SNTG1: variants seen among roughly 807,000 people sequenced by gnomAD.
The protein encoded by SNTG1 is gamma-1-syntrophin.
In SNTG1, 39 loss-of-function variants were observed where a neutral mutation model predicts 74.7. The ratio of observed to expected loss-of-function variants is 0.52; its 90% CI spans 0.40 to 0.68. The LOEUF (loss-of-function observed/expected upper bound fraction) is 0.68. SNTG1 is among the 30% of genes least tolerant of loss of function. The pLI, the probability that SNTG1 is intolerant of heterozygous loss-of-function variation, is 0.00. For synonymous variants in SNTG1, 254 were observed against 217.1 expected (o/e 1.17, Z -1.49); for missense variants, 685 against 609.5 (o/e 1.12, Z -1.30).
intron 4 of SNTG1, among the ~76,000 whole-genome samples, chr8:50,434,861 C>G (rs912553713): frequency 6.6e-6 from 1 of 152,064 alleles, no homozygotes; most frequent in Admixed American, 6.6e-5. Flanking sequence ...GTATTGGTTT[C>G]TGTAACACAA....
At chr8:50,209,662 G>A (rs1466797791) in intron 2 of SNTG1, among the ~76,000 whole-genome samples, 2 of 152,216 alleles carry the variant, frequency 1.3e-5, no homozygotes, top group African/African-American at 4.8e-5. Context: ...TGAGGGTCCT[G>A]ACTGTTAGAA....
intron 1 of SNTG1, among the ~76,000 whole-genome samples, chr8:50,161,959 C>A (rs1210608109): frequency 6.6e-6 from 1 of 151,868 alleles, no homozygotes; most frequent in Non-Finnish European, 1.5e-5. Flanking sequence ...GCCGAAACTG[C>A]TTTTAGAAGA....
At chr8:50,736,990 A>G (rs921061641) in intron 17 of SNTG1, among the ~76,000 whole-genome samples, 4 of 152,114 alleles carry the variant, frequency 2.6e-5, no homozygotes, top group African/African-American at 9.7e-5. Flanking sequence ...CCCTATCAGC[A>G]CAATTAAAAG....
chr8:50,616,374 G>A (rs1022553655), intron 13 of SNTG1, among the ~76,000 whole-genome samples: 2 of 152,162 alleles, frequency 1.3e-5, no homozygotes, highest in African/African-American at 4.8e-5. Context: ...TATGGGTCAG[G>A]GTCATAGACT....
chr8:50,205,547 C>G (rs565290460), intron 2 of SNTG1, among the ~76,000 whole-genome samples: 2 of 152,138 alleles, frequency 1.3e-5, no homozygotes, highest in Non-Finnish European at 2.9e-5. Flanking sequence ...ATGGTAGTTT[C>G]TTTTGCTGTG....
Position 49,918,360 on chromosome 8 carries a change from C to T in SNTG1, c.-103+6129C>T, listed in dbSNP as rs148625298. Reference sequence around the variant, plus strand: ...ATCTTTTCCAGCTACTGTTTTTGCCCCTCATACACATGCAACAGCTACAAT... The same window carrying T: ...ATCTTTTCCAGCTACTGTTTTTGCCTCTCATACACATGCAACAGCTACAAT... On this transcript the variant is annotated intron_variant, in intron 1 of 18. Transcript: ENST00000642720. Among the ~76,000 whole-genome samples the T allele has an allele frequency of 9.0e-3, 1,368 of 152,086 alleles. 21 individuals are homozygous for T. Among genetic ancestry groups the T allele is most frequent in the African/African-American group, 0.031 (1,276 of 41,484 alleles).
chr8:50,604,056 G>A (rs918710198), intron 13 of SNTG1, among the ~76,000 whole-genome samples: 1 of 152,158 alleles, frequency 6.6e-6, no homozygotes, highest in Non-Finnish European at 1.5e-5. Context: ...GTACTTCAGG[G>A]CAGTGAGTAC....
At chr8:50,004,312 A>C (rs1336488660) in intron 1 of SNTG1, among the ~76,000 whole-genome samples, 2 of 152,174 alleles carry the variant, frequency 1.3e-5, no homozygotes, top group African/African-American at 4.8e-5. Context: ...GAGTTTTAAA[A>C]TATGTTTATT....
In SNTG1 at chr8:50,541,105, A is replaced by G. The variant is rs972640386; in HGVS notation, c.680+4297A>G. On this transcript the variant is annotated intron_variant, in intron 11 of 18. Transcript: ENST00000642720. ...TAATTAAACCTTTTATTTTGAAAAA[A>G]TTGAATATTCACGTGCACTTGTGGG... Among the ~76,000 whole-genome samples the G allele has an allele frequency of 3.9e-5, 6 of 152,164 alleles. No homozygotes were observed. In the South Asian group the frequency reaches 1.2e-3, roughly 32 times the overall value.
At chr8:50,409,337 C>T (rs903762867) in intron 4 of SNTG1, among the ~76,000 whole-genome samples, 3 of 152,138 alleles carry the variant, frequency 2.0e-5, no homozygotes, top group South Asian at 2.1e-4. Flanking sequence ...ATACTGCTTT[C>T]CCCCAGTGCC....
intron 1 of SNTG1, among the ~76,000 whole-genome samples, chr8:50,158,798 T>C (rs2082327515): frequency 6.6e-6 from 1 of 152,200 alleles, no homozygotes; most frequent in Non-Finnish European, 1.5e-5. Flanking sequence ...TAGGCCTTGA[T>C]GCACATGTGT....
intron 8 of SNTG1, among the ~76,000 whole-genome samples, chr8:50,467,466 T>C (rs981187795): frequency 7.2e-5 from 11 of 151,964 alleles, no homozygotes; most frequent in African/African-American, 2.7e-4. Context: ...TTGGTATCCA[T>C]GGGATCAATA....
chr8:50,785,219 A>G (rs1320888814), intron 18 of SNTG1, among the ~76,000 whole-genome samples: 1 of 151,998 alleles, frequency 6.6e-6, no homozygotes, highest in Non-Finnish European at 1.5e-5. Context: ...AAAAGAATAC[A>G]TAAACAATTG....
chr8:50,583,766 T>C (rs931597782), intron 12 of SNTG1, among the ~76,000 whole-genome samples: 5 of 151,984 alleles, frequency 3.3e-5, no homozygotes, highest in African/African-American at 7.3e-5. Context: ...GATTTGTTTT[T>C]TCTTTTCTTT....
intron 13 of SNTG1, among the ~76,000 whole-genome samples, chr8:50,598,912 T>C (rs1400386218): frequency 6.6e-6 from 1 of 152,050 alleles, no homozygotes; most frequent in Non-Finnish European, 1.5e-5. Context: ...CTATGTTGAT[T>C]GCATATTCTG....
chr8:50,211,553 G>A (rs529565824), intron 2 of SNTG1, among the ~76,000 whole-genome samples: 2 of 152,136 alleles, frequency 1.3e-5, no homozygotes, highest in Admixed American at 1.3e-4. Context: ...AGACTATTAG[G>A]ATCAGTATAA....
chr8:50,512,734 ATGTAGT>A (rs1563504014), intron 9 of SNTG1, among the ~76,000 whole-genome samples: 26 of 152,044 alleles, frequency 1.7e-4, no homozygotes, highest in Non-Finnish European at 3.1e-4. Flanking sequence ...TGCATTCATC[ATGTAGT>A]TCTCGTACCT....
At chr8:50,169,944 A>T (rs995377382) in intron 1 of SNTG1, among the ~76,000 whole-genome samples, 1 of 152,168 alleles carries the variant, frequency 6.6e-6, no homozygotes, top group African/African-American at 2.4e-5. Context: ...GTGGGACCCC[A>T]TGTGTAAAAT....
At chr8:50,735,943 T>C (rs12681280) in intron 17 of SNTG1, among the ~76,000 whole-genome samples, 70,564 of 151,820 alleles carry the variant, frequency 0.46, 18,209 homozygotes, top group African/African-American at 0.71. Flanking sequence ...CCCTACAAGC[T>C]AGAAGAGATT....
Sources: gnomAD v4.1 joint callset for allele counts (sites outside exome capture counted in the v4.1 genomes callset) on GRCh38, gnomAD v4.1.1 for gene constraint, MANE v1.5 for transcripts, NCBI Gene and HGNC (gene_info 2026-07-23, HGNC 2026-07-21) for gene names.